DUS4L: variants seen among roughly 807,000 people sequenced by gnomAD.
DUS4L encodes tRNA-dihydrouridine(20a/20b) synthase [NAD(P)+]-like.
A neutral mutation model predicts 33.8 loss-of-function variants in DUS4L; 31 were observed. That is an observed-to-expected ratio of 0.92 (90% CI 0.69 to 1.24). The LOEUF is 1.24. Ranked by LOEUF, DUS4L falls within the 50% of genes most tolerant of loss-of-function variation. The probability of loss-of-function intolerance (pLI) is 0.00; values close to 1 mark genes in which losing one functional copy is unlikely to be tolerated. For missense variants in DUS4L, 368 were observed against 388.6 expected (o/e 0.95, Z 0.45); for synonymous variants, 103 against 120.3 (o/e 0.86, Z 0.94).
intron 6 of DUS4L, chr7:107,575,516 T>C (rs993068179): frequency 2.9e-5 from 12 of 412,442 alleles, no homozygotes; most frequent in African/African-American, 1.9e-4. Flanking sequence ...TTTGTACTTT[T>C]AACAAAAGTT....
intron 3 of DUS4L, 57 bp downstream of exon 3, chr7:107,567,243 C>T (rs1340492933): frequency 6.6e-7 from 1 of 1,504,118 alleles, no homozygotes; most frequent in Non-Finnish European, 9.2e-7. Flanking sequence ...TATGCTCTGA[C>T]TTTTTAAAAG....
At chr7:107,565,310 G>A (rs1306719375) in intron 2 of DUS4L, among the ~76,000 whole-genome samples, 1 of 152,164 alleles carries the variant, frequency 6.6e-6, no homozygotes, top group Non-Finnish European at 1.5e-5. Context: ...ACAAACAATT[G>A]TACCAGGTGC....
intron 4 of DUS4L, among the ~76,000 whole-genome samples, chr7:107,571,596 T>C (rs576826214): frequency 5.9e-5 from 9 of 152,320 alleles, no homozygotes; most frequent in African/African-American, 1.9e-4. Flanking sequence ...TTTTCTCTCA[T>C]TGTTCTCAAA....
In DUS4L at chr7:107,563,981, C is replaced by G. The variant is rs865917109; in HGVS notation, c.-339C>G. The G allele has an allele frequency of 6.4e-7, 1 of 1,573,338 alleles. No individual in the cohort carries two copies. Among genetic ancestry groups the G allele is most frequent in the Middle Eastern group, 2.2e-4 (1 of 4,474 alleles). On this transcript the variant is annotated 5_prime_UTR_variant, in exon 1 of 8. Transcript: ENST00000265720. ...CAGAATCCCGGCGCCGCCCGCCCACCCAGCCCATGGCTCCAGGCCCACCTG... is the reference window on the plus strand; with the variant it reads ...CAGAATCCCGGCGCCGCCCGCCCACGCAGCCCATGGCTCCAGGCCCACCTG...
At chr7:107,571,034 A>G in intron 3 of DUS4L, 111 bp from the exon 4 acceptor site, 1 of 1,364,746 alleles carries the variant, frequency 7.3e-7, no homozygotes, top group Admixed American at 2.1e-5. Flanking sequence ...GGAAAAGTAA[A>G]TCTCCTCCAT....
In DUS4L at chr7:107,573,626, A is replaced by G. The variant is rs867654238; in HGVS notation, c.239-78A>G. The G allele has an allele frequency of 3.6e-6, 5 of 1,404,380 alleles. No homozygotes were observed. The South Asian group carries it at 8.5e-5, about 24-fold the overall frequency. The allele number at this position is 1,404,380 out of a possible 1,614,324, so 87.0% of individuals were successfully genotyped here. On this transcript the variant is annotated intron_variant, in intron 4 of 7. Coordinates refer to ENST00000265720, the MANE Select transcript of DUS4L (RefSeq NM_181581.3). Reference sequence around the variant, plus strand: ...AATCGTTATTGCTATTTTATCCTGTACAAACATTAAAGTTTGGTGTGTGTG... The same window carrying G: ...AATCGTTATTGCTATTTTATCCTGTGCAAACATTAAAGTTTGGTGTGTGTG...
chr7:107,577,248 T>G, intron 7 of DUS4L, 65 bp from the exon 8 acceptor site: 15 of 1,581,700 alleles, frequency 9.5e-6, no homozygotes, highest in Non-Finnish European at 1.1e-5. Flanking sequence ...TTTGCTTCAT[T>G]GAGCTTGAAC....
chr7:107,572,393 C>G (rs1805328302), intron 4 of DUS4L, among the ~76,000 whole-genome samples: 1 of 152,100 alleles, frequency 6.6e-6, no homozygotes, highest in Non-Finnish European at 1.5e-5. Context: ...TAGGATGATG[C>G]CCACAAATCT....
Position 107,564,135 on chromosome 7 carries a change from G to T in DUS4L, c.-185G>T. The T allele has an allele frequency of 1.2e-6, 1 of 856,732 alleles. No homozygotes were observed. Among genetic ancestry groups the T allele is most frequent in the Non-Finnish European group, 1.8e-6 (1 of 557,962 alleles). The allele number at this position is 856,732 out of a possible 1,614,324, so 53.1% of individuals were successfully genotyped here. A position where few individuals can be genotyped will look rare whatever the true frequency, so the allele number is the denominator to read the frequency against. ...CGAGGGAGCCAAGGCCGTCGGGCCG[G>T]CGCTTTCAGCTGTCTCTCGCAGCAG... On this transcript the variant is annotated 5_prime_UTR_variant, in exon 1 of 8. Coordinates refer to ENST00000265720, the MANE Select transcript of DUS4L (RefSeq NM_181581.3).
intron 2 of DUS4L, among the ~76,000 whole-genome samples, chr7:107,566,822 T>G (rs1804751719): frequency 6.6e-6 from 1 of 152,144 alleles, no homozygotes; most frequent in Non-Finnish European, 1.5e-5. Flanking sequence ...TTCTGCATCT[T>G]GTGTTTCCAC....
chr7:107,575,455 G>T (rs1344079279), intron 6 of DUS4L, 145 bp downstream of exon 6: 1 of 876,074 alleles, frequency 1.1e-6, no homozygotes, highest in Non-Finnish European at 1.6e-6. Context: ...AAGACATTTA[G>T]TAAAAGAATA....
intron 5 of DUS4L, 25 bp downstream of exon 5, chr7:107,573,846 A>C (rs1399664021): frequency 6.8e-7 from 1 of 1,473,468 alleles, no homozygotes; most frequent in East Asian, 2.6e-5. Context: ...AGTTGGAAGA[A>C]TTTTCCAAAA....
chr7:107,567,439 T>C (rs1432390589), intron 3 of DUS4L, among the ~76,000 whole-genome samples: 1 of 152,134 alleles, frequency 6.6e-6, no homozygotes, highest in African/African-American at 2.4e-5. Flanking sequence ...CCTATAAGTA[T>C]ATAATGGATA....
intron 5 of DUS4L, chr7:107,574,770 G>A: frequency 3.7e-6 from 1 of 270,028 alleles, no homozygotes; most frequent in Non-Finnish European, 7.1e-6. Flanking sequence ...ATACTCATTA[G>A]GAGGGTTAAA....
In DUS4L at chr7:107,577,701, T is replaced by A; in HGVS notation, c.*141T>A. 1.2e-6 allele frequency: 1 copy of A among 815,936 alleles called. No individual in the cohort carries two copies. The allele number at this position is 815,936 out of a possible 1,614,324, so 50.5% of individuals were successfully genotyped here. On this transcript the variant is annotated 3_prime_UTR_variant, in exon 8 of 8. Coordinates refer to ENST00000265720, the MANE Select transcript of DUS4L (RefSeq NM_181581.3). ...GGGAGCGTTTTTTAAAAATCAGTTG[T>A]AGACACCACCCTCAGAGATTCTGAT...
intron 5 of DUS4L, chr7:107,574,907 A>G: frequency 5.2e-6 from 2 of 387,374 alleles, no homozygotes; most frequent in Non-Finnish European, 9.3e-6. Context: ...AGTCATTGCA[A>G]TTACTTCAAA....
At chr7:107,572,592 G>A (rs574889259) in intron 4 of DUS4L, among the ~76,000 whole-genome samples, 1 of 152,296 alleles carries the variant, frequency 6.6e-6, no homozygotes, top group African/African-American at 2.4e-5. Context: ...GCTCATGCCT[G>A]TAATCTTAGC....
chr7:107,565,315 A>T (rs1223869203), intron 2 of DUS4L, among the ~76,000 whole-genome samples: 1 of 152,244 alleles, frequency 6.6e-6, no homozygotes, highest in African/African-American at 2.4e-5. Flanking sequence ...CAATTGTACC[A>T]GGTGCTTTGG....
At position 107,573,737 on chromosome 7, in the gene DUS4L, A is replaced by C. The variant is rs767180637; in HGVS notation, c.272A>C (p.Asn91Thr). ...DCPLIVQFAA[N>T]DARLLSDAAR... ...CCATTGATTGTTCAGTTTGCTGCTA[A>C]CGATGCAAGACTTTTATCTGATGCT... Residue 91 changes from asparagine to threonine, a missense_variant, in exon 5 of 8, where the codon AAC (asparagine) becomes ACC (threonine). By Grantham distance (65) the Asn-to-Thr change is moderately conservative. Coordinates refer to ENST00000265720, the MANE Select transcript of DUS4L (RefSeq NM_181581.3). 3.1e-6 allele frequency: 5 copies of C among 1,610,530 alleles called. No individual in the cohort carries two copies. The highest frequency in any genetic ancestry group is 3.4e-6 in the Non-Finnish European group (4 of 1,178,564).
Sources: gnomAD v4.1 joint callset for allele counts (sites outside exome capture counted in the v4.1 genomes callset) on GRCh38, gnomAD v4.1.1 for gene constraint, MANE v1.5 for transcripts, NCBI Gene and HGNC (gene_info 2026-07-23, HGNC 2026-07-21) for gene names.